Variants in CNTNAP2 observed in about 807,000 individuals in gnomAD.
The protein encoded by CNTNAP2 is contactin associated protein 2, also known as contactin-associated protein-like 2.
Under a neutral mutation model 155.2 loss-of-function variants are expected in CNTNAP2, and 98 were observed. The observed-to-expected ratio is 0.63, with a 90% CI of 0.54 to 0.75. The LOEUF is 0.75. Ranked by LOEUF, CNTNAP2 falls within the 30% of genes least tolerant of loss-of-function variation. CNTNAP2 has a pLI of 0.00. For synonymous variants in CNTNAP2, 651 were observed against 631.2 expected, an observed-to-expected ratio of 1.03 and a Z score of -0.47; for missense variants, 1,727 against 1,688.1, an observed-to-expected ratio of 1.02 and a Z score of -0.40.
chr7:146,483,324 T>TATAC lies in CNTNAP2; in HGVS notation c.98-290944_98-290943insCATA, dbSNP rs1554439596. ...ATATATATATATATATATATATATA[T>TATAC]ATATACATATATATATATTTAAGCA... On this transcript the variant is annotated intron_variant, in intron 1 of 23. Coordinates refer to ENST00000361727, the MANE Select transcript of CNTNAP2 (RefSeq NM_014141.6). 1.2e-4 allele frequency among the ~76,000 whole-genome samples: 10 copies of TATAC among 83,790 alleles called. No homozygotes were observed. The East Asian group carries it at 1.4e-3, about 12-fold the overall frequency. The allele number at this position is 83,790 out of a possible 152,430, so 55.0% of individuals were successfully genotyped here. A position where few individuals can be genotyped will look rare whatever the true frequency, so the allele number is the denominator to read the frequency against.
chr7:147,111,190 T>C (rs1415361876), intron 5 of CNTNAP2, among the ~76,000 whole-genome samples: 1 of 152,222 alleles, frequency 6.6e-6, no homozygotes, highest in Non-Finnish European at 1.5e-5. Context: ...GAATTGTCTG[T>C]TCATGTCCTT....
chr7:147,532,286 A>T (rs759389280), intron 11 of CNTNAP2, among the ~76,000 whole-genome samples: 2 of 152,344 alleles, frequency 1.3e-5, no homozygotes, highest in Middle Eastern at 3.4e-3. Flanking sequence ...AGTTCCACAC[A>T]TCTCTAGGGC....
intron 13 of CNTNAP2, among the ~76,000 whole-genome samples, chr7:147,823,594 A>G (rs754988413): frequency 6.6e-6 from 1 of 152,132 alleles, no homozygotes; most frequent in Non-Finnish European, 1.5e-5. Flanking sequence ...TTTGCTCTGA[A>G]GTTATACATG....
intron 17 of CNTNAP2, among the ~76,000 whole-genome samples, chr7:148,155,424 T>C (rs1805380430): frequency 1.3e-5 from 2 of 152,212 alleles, no homozygotes; most frequent in South Asian, 4.1e-4. Flanking sequence ...TTTTTGGTTT[T>C]TTTTATTTCA....
intron 1 of CNTNAP2, among the ~76,000 whole-genome samples, chr7:146,468,387 A>G (rs1796745883): frequency 6.6e-6 from 1 of 152,054 alleles, no homozygotes; most frequent in Admixed American, 6.6e-5. Context: ...ATCATGCAAT[A>G]CACCCAGGTA....
At chr7:147,995,805 G>A (rs777359093) in intron 15 of CNTNAP2, among the ~76,000 whole-genome samples, 5 of 152,090 alleles carry the variant, frequency 3.3e-5, no homozygotes, top group Admixed American at 6.5e-5. Flanking sequence ...GAGCCACTGT[G>A]CCCGGCCTCC....
chr7:146,703,446 A>G (rs1160618759), intron 1 of CNTNAP2, among the ~76,000 whole-genome samples: 1 of 152,158 alleles, frequency 6.6e-6, no homozygotes, highest in Non-Finnish European at 1.5e-5. Flanking sequence ...AATATTAATT[A>G]GTCTCCAAAC....
chr7:146,902,791 G>A (rs913237328), intron 3 of CNTNAP2, among the ~76,000 whole-genome samples: 15 of 152,352 alleles, frequency 9.8e-5, no homozygotes, highest in South Asian at 6.2e-4. Flanking sequence ...CTGAGAGCAT[G>A]TGGCTGCCAT....
intron 22 of CNTNAP2, among the ~76,000 whole-genome samples, chr7:148,407,299 C>A (rs1257654577): frequency 6.6e-6 from 1 of 152,080 alleles, no homozygotes; most frequent in Non-Finnish European, 1.5e-5. Context: ...CACTACCTAC[C>A]CCAGAAAATC....
rs1034637622 is a variant in CNTNAP2 at position 147,001,315 on chromosome 7, C to T, written c.403-42592C>T. On this transcript the variant is annotated intron_variant, in intron 3 of 23. Transcript: ENST00000361727. ...TGGAGAGTCTTAATTGACAGTCTTGCTCGGCCCTCCTCAGGTTTGACTATT... is the reference window on the plus strand; with the variant it reads ...TGGAGAGTCTTAATTGACAGTCTTGTTCGGCCCTCCTCAGGTTTGACTATT... Among the ~76,000 whole-genome samples the T allele has an allele frequency of 2.0e-5, 3 of 152,114 alleles. No homozygotes were observed. In the South Asian group the frequency reaches 6.2e-4, roughly 32 times the overall value.
intron 9 of CNTNAP2, among the ~76,000 whole-genome samples, chr7:147,370,664 A>G (rs1286790437): frequency 6.6e-6 from 1 of 152,160 alleles, no homozygotes. Flanking sequence ...ATAGATACCC[A>G]ATATATAGAT....
chr7:146,283,526 C>T (rs900805849), intron 1 of CNTNAP2, among the ~76,000 whole-genome samples: 6 of 152,008 alleles, frequency 3.9e-5, no homozygotes, highest in African/African-American at 1.4e-4. Context: ...AGCCACTGTG[C>T]CTGGCTGGTT....
chr7:148,205,809 T>G (rs1222888812), intron 18 of CNTNAP2, among the ~76,000 whole-genome samples: 1 of 152,182 alleles, frequency 6.6e-6, no homozygotes, highest in Admixed American at 6.5e-5. Context: ...GAACATTTAT[T>G]GAATATCTGC....
intron 13 of CNTNAP2, among the ~76,000 whole-genome samples, chr7:147,757,520 T>A (rs1282289873): frequency 6.6e-6 from 1 of 152,164 alleles, no homozygotes; most frequent in Non-Finnish European, 1.5e-5. Context: ...CTTATAGGCT[T>A]GACTTGTACC....
At chr7:147,566,593 A>G (rs1177511245) in intron 12 of CNTNAP2, among the ~76,000 whole-genome samples, 1 of 152,142 alleles carries the variant, frequency 6.6e-6, no homozygotes, top group Non-Finnish European at 1.5e-5. Flanking sequence ...AGGCGGCAGG[A>G]GAGAGCATGT....
At position 147,159,921 on chromosome 7, in the gene CNTNAP2, T is replaced by G. The variant is rs529075460; in HGVS notation, c.1348+27412T>G. On this transcript the variant is annotated intron_variant, in intron 8 of 23. Transcript: ENST00000361727. ...CTTCTCTATGAATCATACTTTTTTA[T>G]ATGATATGAATCAAAGTTTTTTTTT... Among the ~76,000 whole-genome samples, 37 of 151,128 alleles carry G rather than the reference T, an allele frequency of 2.4e-4. No homozygotes were observed. In the South Asian group the frequency reaches 6.2e-3, roughly 25 times the overall value.
intron 1 of CNTNAP2, among the ~76,000 whole-genome samples, chr7:146,191,278 C>T (rs929209367): frequency 3.9e-5 from 6 of 151,922 alleles, no homozygotes; most frequent in East Asian, 1.9e-4. Context: ...CCCCCTGAGC[C>T]GCAAAACCAG....
intron 12 of CNTNAP2, among the ~76,000 whole-genome samples, chr7:147,623,638 G>T (rs540336782): frequency 6.6e-6 from 1 of 151,974 alleles, no homozygotes; most frequent in African/African-American, 2.4e-5. Flanking sequence ...TCATATTCAT[G>T]AATTGAAATA....
At chr7:146,376,318 T>G (rs1014207233) in intron 1 of CNTNAP2, among the ~76,000 whole-genome samples, 6 of 152,196 alleles carry the variant, frequency 3.9e-5, no homozygotes, top group African/African-American at 9.7e-5. Flanking sequence ...TCTTACAGAT[T>G]TAATCTATTC....
Sources: allele counts gnomAD v4.1 joint callset (sites outside exome capture counted in the v4.1 genomes callset), GRCh38; gene constraint gnomAD v4.1.1; transcripts MANE v1.5; gene names NCBI Gene and HGNC (gene_info 2026-07-23, HGNC 2026-07-21).